B4GALNT3: variants seen among roughly 807,000 people sequenced by gnomAD.
B4GALNT3 encodes the protein beta-1,4-N-acetyl-galactosaminyltransferase 3.
Under a neutral mutation model 120.2 loss-of-function variants are expected in B4GALNT3, and 86 were observed. That is an observed-to-expected ratio of 0.72 (90% confidence interval 0.60 to 0.86). The LOEUF (loss-of-function observed/expected upper bound fraction) is 0.86, where lower values mean the gene tolerates loss of function less well. Ranked by LOEUF, B4GALNT3 falls within the 40% of genes least tolerant of loss-of-function variation. The pLI is 0.00. For synonymous variants in B4GALNT3, 518 were observed against 510.4 expected (o/e 1.01, Z -0.20); for missense variants, 1,167 against 1,298.9 (o/e 0.90, Z 1.56).
chr12:557,665 A>G lies in B4GALNT3; in HGVS notation c.2438A>G (p.Gln813Arg). 1 of 1,610,754 alleles carries G rather than the reference A, an allele frequency of 6.2e-7. No homozygotes were observed. The highest frequency in any genetic ancestry group is 1.1e-5 in the South Asian group (1 of 90,614). The change falls in exon 16 of 20, where the codon CAG (glutamine) becomes CGG (arginine). Residue 813 changes from glutamine (Q) to arginine (R), a missense_variant. Gln to Arg is a conservative substitution (Grantham distance 43). This residue lies in a region of B4GALNT3 where 983 missense variants were observed against 1,102.5 expected (regional missense o/e 0.89). Coordinates refer to ENST00000266383, the MANE Select transcript of B4GALNT3 (RefSeq NM_173593.4). Reference sequence around the variant, plus strand: ...ATCAAAGACATGGAAAACCTGTTCCAGGTCACCGGTGACCCACACTTCAAC... The same window carrying G: ...ATCAAAGACATGGAAAACCTGTTCCGGGTCACCGGTGACCCACACTTCAAC... ...QFIKDMENLF[Q>R]VTGDPHFNIV...
rs139478490 is a variant in B4GALNT3 at position 485,694 on chromosome 12, G to A, written c.169+25149G>A. On this transcript the variant is annotated intron_variant, in intron 1 of 19. Transcript: ENST00000266383. Reference sequence around the variant, plus strand: ...TTTATCGACACTCACGGAACTGTTCGTGTAAAATGGATACATTTTATTATA... The same window carrying A: ...TTTATCGACACTCACGGAACTGTTCATGTAAAATGGATACATTTTATTATA... Among the ~76,000 whole-genome samples the A allele has an allele frequency of 2.5e-4, 38 of 152,280 alleles. 8 individuals carry two copies. The highest frequency in any genetic ancestry group is 3.3e-4 in the Admixed American group (5 of 15,302).
intron 1 of B4GALNT3, among the ~76,000 whole-genome samples, chr12:503,587 A>G (rs1387058009): frequency 6.6e-6 from 1 of 152,166 alleles, no homozygotes; most frequent in Non-Finnish European, 1.5e-5. Context: ...TGCTTGTTGG[A>G]TGAAAGATGC....
intron 5 of B4GALNT3, 116 bp from the exon 6 acceptor site, chr12:545,253 G>A (rs1592051623): frequency 1.4e-6 from 2 of 1,477,650 alleles, no homozygotes; most frequent in Non-Finnish European, 1.8e-6. Flanking sequence ...TACAGAGAGG[G>A]AAGCCACAGC....
At chr12:483,949 G>A (rs1946265529) in intron 1 of B4GALNT3, among the ~76,000 whole-genome samples, 1 of 152,100 alleles carries the variant, frequency 6.6e-6, no homozygotes. Context: ...TGGGATAGGG[G>A]AGAAAAAGGC....
intron 2 of B4GALNT3, 107 bp from the exon 3 acceptor site, chr12:536,111 C>T (rs561502457): frequency 1.8e-4 from 148 of 810,276 alleles, no homozygotes; most frequent in African/African-American, 9.1e-4. Flanking sequence ...CAGACGGCAG[C>T]GTGCTCCGAG....
intron 1 of B4GALNT3, among the ~76,000 whole-genome samples, chr12:482,705 A>G (rs1004630530): frequency 2.6e-4 from 39 of 152,118 alleles, no homozygotes; most frequent in African/African-American, 9.4e-4. Context: ...CTGTTTCTTA[A>G]GCATATGCAG....
At chr12:526,184 A>G (rs571282879) in intron 1 of B4GALNT3, among the ~76,000 whole-genome samples, 12 of 152,246 alleles carry the variant, frequency 7.9e-5, no homozygotes, top group East Asian at 3.9e-4. Context: ...GTGCTTTTCT[A>G]TGTATCACAG....
intron 3 of B4GALNT3, 115 bp from the exon 4 acceptor site, chr12:544,224 C>A: frequency 2.3e-6 from 2 of 864,048 alleles, no homozygotes; most frequent in South Asian, 3.2e-5. Context: ...GGTGCTCATC[C>A]TCCTGGAGCT....
chr12:505,109 G>T (rs759017364), intron 1 of B4GALNT3, among the ~76,000 whole-genome samples: 1 of 151,978 alleles, frequency 6.6e-6, no homozygotes, highest in South Asian at 2.1e-4. Flanking sequence ...GGCCAACATG[G>T]TCTCAATCTC....
chr12:488,918 T>C lies in B4GALNT3; in HGVS notation c.169+28373T>C, dbSNP rs551572486. 1.4e-3 allele frequency among the ~76,000 whole-genome samples: 218 copies of C among 151,292 alleles called. 1 individual carries two copies. Among genetic ancestry groups the C allele is most frequent in the South Asian group, 0.012 (58 of 4,770 alleles). ...GAAAAAAAAAAAAGTATAACTGATA[T>C]GCTAACAAAGGAGAGAAATAATGGA... On this transcript the variant is annotated intron_variant, in intron 1 of 19. Transcript: ENST00000266383.
intron 12 of B4GALNT3, 87 bp downstream of exon 12, chr12:552,250 G>A (rs539212101): frequency 2.2e-5 from 26 of 1,201,730 alleles, no homozygotes; most frequent in Admixed American, 2.1e-4. Flanking sequence ...GGTGATGGTG[G>A]CACCCCAGCC....
At chr12:516,791 G>A (rs952888805) in intron 1 of B4GALNT3, among the ~76,000 whole-genome samples, 15 of 152,186 alleles carry the variant, frequency 9.9e-5, no homozygotes, top group African/African-American at 3.6e-4. Flanking sequence ...CTAGACCATA[G>A]GTGCAGGGGT....
At chr12:551,657 A>C (rs1283108781) in intron 11 of B4GALNT3, among the ~76,000 whole-genome samples, 5 of 152,172 alleles carry the variant, frequency 3.3e-5, no homozygotes, top group Non-Finnish European at 7.3e-5. Context: ...GGGCAAAGGA[A>C]GCAGTGAAGT....
intron 1 of B4GALNT3, among the ~76,000 whole-genome samples, chr12:510,099 C>T (rs967414069): frequency 6.6e-6 from 1 of 152,172 alleles, no homozygotes; most frequent in Non-Finnish European, 1.5e-5. Flanking sequence ...TCCCTTTCGT[C>T]TCCAGGCAAG....
chr12:563,363 G>A lies in B4GALNT3; in HGVS notation c.*1912G>A, dbSNP rs1160085439. ...CCCCTGCGCCCTGGGCCAGTGCCTT[G>A]CGTTTGATGTTACCTCCACACCATC... On this transcript the variant is annotated 3_prime_UTR_variant, in exon 20 of 20. Coordinates refer to ENST00000266383, the MANE Select transcript of B4GALNT3 (RefSeq NM_173593.4). The A allele has an allele frequency of 6.6e-6, 1 of 152,594 alleles. No individual in the cohort carries two copies. Among genetic ancestry groups the A allele is most frequent in the Non-Finnish European group, 1.5e-5 (1 of 68,282 alleles). 9.5% of individuals were successfully genotyped at this position (152,594 alleles called of 1,614,324 possible).
chr12:540,869 G>A (rs1025915651), intron 3 of B4GALNT3, among the ~76,000 whole-genome samples: 2 of 151,828 alleles, frequency 1.3e-5, no homozygotes, highest in African/African-American at 4.8e-5. Context: ...TCAGCCTCCC[G>A]AGCAGCTGGG....
At chr12:492,265 A>G (rs12310774) in intron 1 of B4GALNT3, among the ~76,000 whole-genome samples, 147 of 152,368 alleles carry the variant, frequency 9.6e-4, no homozygotes, top group African/African-American at 3.4e-3. Context: ...ATAAGCAAGT[A>G]TAGAAGGGTT....
intron 1 of B4GALNT3, among the ~76,000 whole-genome samples, chr12:527,786 A>G (rs1946770667): frequency 6.6e-6 from 1 of 152,182 alleles, no homozygotes; most frequent in Non-Finnish European, 1.5e-5. Flanking sequence ...TCACACTCAA[A>G]TGCTCTCATG....
In B4GALNT3 at chr12:553,685, C is replaced by G; in HGVS notation, c.1762C>G (p.His588Asp). 1 of 1,613,992 alleles carries G rather than the reference C, an allele frequency of 6.2e-7. No individual in the cohort carries two copies. Among genetic ancestry groups the G allele is most frequent in the Non-Finnish European group, 8.5e-7 (1 of 1,179,958 alleles). ...MRPQAPGRGW[H>D]GEEEVVAAAG... is the part of the protein sequence containing the mutation. ...GCCTCAGGCCCCTGGAAGGGGCTGG[C>G]ATGGGGAGGAGGAAGTGGTGGCGGC... The change falls in exon 14 of 20, where the codon CAT (histidine) becomes GAT (aspartate). Residue 588 changes from histidine to aspartate, a missense_variant. Coordinates refer to ENST00000266383, the MANE Select transcript of B4GALNT3 (RefSeq NM_173593.4).
Sources: gnomAD v4.1 joint callset for allele counts (sites outside exome capture counted in the v4.1 genomes callset) on GRCh38, gnomAD v4.1.1 for gene constraint, gnomAD v4.1.1 regional missense constraint, MANE v1.5 for transcripts, NCBI Gene and HGNC (gene_info 2026-07-23, HGNC 2026-07-21) for gene names.